Variants in WWTR1 observed in about 807,000 individuals in gnomAD.
The protein encoded by WWTR1 is WW domain-containing transcription regulator protein 1.
WWTR1 carries 13 observed loss-of-function variants against 40.1 expected under a neutral mutation model. The ratio of observed to expected loss-of-function variants is 0.32; its 90% CI spans 0.21 to 0.52. The LOEUF is 0.52. WWTR1 is among the 20% of genes least tolerant of loss of function. The pLI is 0.97. For missense variants in WWTR1, 436 were observed against 523.1 expected (o/e 0.83, Z 1.63); for synonymous variants, 230 against 210.1 (o/e 1.09, Z -0.82).
At chr3:149,681,423 A>T (rs1373877573) in intron 1 of WWTR1, among the ~76,000 whole-genome samples, 2 of 152,184 alleles carry the variant, frequency 1.3e-5, no homozygotes, top group Admixed American at 1.3e-4. Flanking sequence ...TATTTTCCTG[A>T]TGATTAGTGG....
At chr3:149,658,158 C>A, upstream of WWTR1, 1 of 154,256 alleles carries the variant, frequency 6.5e-6, no homozygotes. Flanking sequence ...TCTTCCTCCT[C>A]CTCCTCCTCC....
chr3:149,682,380 CA>C (rs960295826), intron 1 of WWTR1, among the ~76,000 whole-genome samples: 1 of 151,366 alleles, frequency 6.6e-6, no homozygotes, highest in Non-Finnish European at 1.5e-5. Flanking sequence ...TTGATAAAAG[CA>C]AAAAAAATGT....
At chr3:149,563,323 C>G in intron 3 of WWTR1, among the ~76,000 whole-genome samples, 2 of 152,302 alleles carry the variant, frequency 1.3e-5, no homozygotes, top group East Asian at 3.9e-4. Context: ...GAATTCGTCA[C>G]GGTTTAGGCT....
At chr3:149,638,018 C>A (rs1435269672) in intron 2 of WWTR1, among the ~76,000 whole-genome samples, 2 of 152,086 alleles carry the variant, frequency 1.3e-5, no homozygotes, top group Non-Finnish European at 1.5e-5. Flanking sequence ...GAGTTCAAGA[C>A]CAGCCTGACC....
chr3:149,654,307 A>C (rs1237298329), intron 2 of WWTR1, among the ~76,000 whole-genome samples: 1 of 152,212 alleles, frequency 6.6e-6, no homozygotes, highest in Non-Finnish European at 1.5e-5. Context: ...CATTTACCTA[A>C]TTCCAACTTT....
intron 5 of WWTR1, among the ~76,000 whole-genome samples, chr3:149,710,687 C>A (rs1390524714): frequency 6.8e-6 from 1 of 147,706 alleles, no homozygotes; most frequent in East Asian, 2.0e-4. Context: ...TCAAGTGATT[C>A]TCCTGCCTCA....
At chr3:149,588,786 G>C (rs1414808533) in intron 2 of WWTR1, among the ~76,000 whole-genome samples, 2 of 151,956 alleles carry the variant, frequency 1.3e-5, no homozygotes, top group African/African-American at 4.8e-5. Flanking sequence ...TTCCACATTT[G>C]AACCTATACC....
chr3:149,676,980 G>A (rs1354399880), intron 1 of WWTR1, among the ~76,000 whole-genome samples: 5 of 150,922 alleles, frequency 3.3e-5, no homozygotes, highest in Non-Finnish European at 2.9e-5. Flanking sequence ...GCAATGGGGC[G>A]ATCTTGGCTC....
At chr3:149,531,700 C>T (rs1735589492) in intron 4 of WWTR1, among the ~76,000 whole-genome samples, 1 of 152,074 alleles carries the variant, frequency 6.6e-6, no homozygotes, top group Admixed American at 6.6e-5. Context: ...CTAAAATGGC[C>T]TCACCCCTGT....
At chr3:149,698,660 A>C (rs184997660) in intron 1 of WWTR1, among the ~76,000 whole-genome samples, 2 of 152,300 alleles carry the variant, frequency 1.3e-5, no homozygotes, top group Non-Finnish European at 2.9e-5. Flanking sequence ...CTGCCTGGAC[A>C]CCCAGGCTTT....
At chr3:149,534,517 C>T (rs948466012) in intron 4 of WWTR1, among the ~76,000 whole-genome samples, 10 of 152,214 alleles carry the variant, frequency 6.6e-5, no homozygotes, top group African/African-American at 2.4e-4. Flanking sequence ...TAGTTTTCCT[C>T]CCTGAACAGG....
chr3:149,692,141 C>A (rs1222185564), intron 1 of WWTR1, among the ~76,000 whole-genome samples: 6 of 150,528 alleles, frequency 4.0e-5, no homozygotes, highest in African/African-American at 1.5e-4. Flanking sequence ...ATACCAACAC[C>A]AGACAAAGAC....
At chr3:149,550,415 A>G (rs1400395218) in intron 3 of WWTR1, among the ~76,000 whole-genome samples, 3 of 152,158 alleles carry the variant, frequency 2.0e-5, no homozygotes, top group African/African-American at 4.8e-5. Flanking sequence ...TCTGAAAGAG[A>G]TATATGAATT....
At chr3:149,612,975 G>T (rs371454232) in intron 2 of WWTR1, among the ~76,000 whole-genome samples, 2 of 152,052 alleles carry the variant, frequency 1.3e-5, no homozygotes, top group African/African-American at 4.8e-5. Flanking sequence ...TTCCATCATC[G>T]TTAACTTTAG....
chr3:149,585,908 C>T lies in WWTR1; in HGVS notation c.432-12908G>A, dbSNP rs146907660. On this transcript the variant is annotated intron_variant, in intron 2 of 6. Coordinates refer to ENST00000360632, the MANE Select transcript of WWTR1 (RefSeq NM_015472.6). ...TACCAGGTACAGAAATGCAGGAAGCCTTGAAGGTTCTATGACTTCAACTAA... is the reference window on the plus strand; with the variant it reads ...TACCAGGTACAGAAATGCAGGAAGCTTTGAAGGTTCTATGACTTCAACTAA... Among the ~76,000 whole-genome samples the T allele has an allele frequency of 1.7e-3, 258 of 152,258 alleles. 2 individuals are homozygous for T. Among genetic ancestry groups the T allele is most frequent in the African/African-American group, 5.8e-3 (242 of 41,554 alleles).
At chr3:149,537,744 G>T (rs1038484161) in intron 4 of WWTR1, among the ~76,000 whole-genome samples, 4 of 151,998 alleles carry the variant, frequency 2.6e-5, no homozygotes. Context: ...TACTCTTTCT[G>T]TACTGTCAAC....
chr3:149,723,170 GTTTTC>G (rs1212382304), intron 4 of WWTR1, among the ~76,000 whole-genome samples: 1 of 108,548 alleles, frequency 9.2e-6, no homozygotes, highest in Admixed American at 9.5e-5. Flanking sequence ...TGGTTTGCTG[GTTTTC>G]TTTTCTTTTC....
rs1026521190 is a variant in WWTR1 at position 149,546,571 on chromosome 3, G to A, written c.569-4034C>T. ...TGAGACCGGCAACAGCGAGCACCTCGGCAGAAGAAACTGGGTATCAGGGAT... is the reference window on the plus strand; with the variant it reads ...TGAGACCGGCAACAGCGAGCACCTCAGCAGAAGAAACTGGGTATCAGGGAT... On this transcript the variant is annotated intron_variant, in intron 3 of 6. Transcript: ENST00000360632. Among the ~76,000 whole-genome samples, 14 of 152,288 alleles carry A rather than the reference G, an allele frequency of 9.2e-5. 1 individual carries two copies. Among genetic ancestry groups the A allele is most frequent in the Admixed American group, 5.9e-4 (9 of 15,302 alleles).
At chr3:149,637,075 A>G (rs1021408613) in intron 2 of WWTR1, among the ~76,000 whole-genome samples, 4 of 151,774 alleles carry the variant, frequency 2.6e-5, no homozygotes, top group Non-Finnish European at 5.9e-5. Context: ...AAGGACAAGT[A>G]CTCTCTATCA....
Sources: allele counts gnomAD v4.1 joint callset (sites outside exome capture counted in the v4.1 genomes callset), GRCh38; gene constraint gnomAD v4.1.1; transcripts MANE v1.5; gene names NCBI Gene and HGNC (gene_info 2026-07-23, HGNC 2026-07-21).